The following C6 variants were observed in gnomAD, a reference collection of about 807,000 sequenced individuals.
C6 encodes complement component C6.
A neutral mutation model predicts 112.9 loss-of-function variants in C6; 101 were observed. That is an observed-to-expected ratio of 0.89 (90% confidence interval 0.76 to 1.06). The LOEUF (loss-of-function observed/expected upper bound fraction) is 1.06, where lower values mean the gene tolerates loss of function less well. Ranked by LOEUF, C6 falls within the 50% of genes least tolerant of loss-of-function variation. The pLI is 0.00. For synonymous variants in C6, 431 were observed against 384.1 expected (o/e 1.12, Z -1.43); for missense variants, 1,202 against 1,104.6 (o/e 1.09, Z -1.25).
At position 41,172,329 on chromosome 5, in the gene C6, G is replaced by C. The variant is rs941369223; in HGVS notation, c.1187C>G (p.Ala396Gly). 3.1e-6 allele frequency: 5 copies of C among 1,613,456 alleles called. No individual in the cohort carries two copies. Among genetic ancestry groups the C allele is most frequent in the Admixed American group, 3.3e-5 (2 of 59,904 alleles). ...TGTTTCAATCCTGACACAGTGTTTGGCTTCTTCCTCGGTTAAACCTAGGAG... is the reference window on the plus strand; with the variant it reads ...TGTTTCAATCCTGACACAGTGTTTGCCTTCTTCCTCGGTTAAACCTAGGAG... ...LKNSGLTEEE[A>G]KHCVRIETKK... The change falls in exon 9 of 18, where the codon GCC (alanine) becomes GGC (glycine). Residue 396 changes from alanine to glycine, a missense_variant. Coordinates refer to ENST00000337836, the MANE Select transcript of C6 (RefSeq NM_000065.5).
intron 4 of C6, among the ~76,000 whole-genome samples, chr5:41,196,219 T>C (rs1290345813): frequency 1.3e-5 from 2 of 151,978 alleles, no homozygotes; most frequent in Non-Finnish European, 2.9e-5. Flanking sequence ...ATAGAGATCA[T>C]GTTCAGTAGG....
At chr5:41,165,619 T>C (rs868721452) in intron 9 of C6, among the ~76,000 whole-genome samples, 2 of 152,144 alleles carry the variant, frequency 1.3e-5, no homozygotes, top group African/African-American at 2.4e-5. Flanking sequence ...AATTTTCCTA[T>C]ATTATATGTC....
At chr5:41,216,932 A>G (rs17260948), upstream of C6, among the ~76,000 whole-genome samples, 45,353 of 151,992 alleles carry the variant, frequency 0.3, 7,919 homozygotes, top group Non-Finnish European at 0.4. Flanking sequence ...CTAATATTGG[A>G]AACCTTGAGC....
At chr5:41,190,393 G>A (rs1750104711) in intron 5 of C6, among the ~76,000 whole-genome samples, 1 of 151,934 alleles carries the variant, frequency 6.6e-6, no homozygotes, top group Admixed American at 6.6e-5. Flanking sequence ...ATATTTGTTG[G>A]GCTCCTTTTG....
intron 5 of C6, among the ~76,000 whole-genome samples, chr5:41,195,237 C>CT (rs1157371042): frequency 1.3e-5 from 2 of 152,304 alleles, no homozygotes; most frequent in Non-Finnish European, 1.5e-5. Flanking sequence ...TTAGCCCTCT[C>CT]TTTTTTTCTA....
chr5:41,195,882 T>A lies in C6; in HGVS notation c.497A>T (p.Asp166Val), dbSNP rs770078794. Residue 166 changes from aspartate (D) to valine (V), a missense_variant, in exon 5 of 18, where the codon GAC becomes GTC. Physicochemically the swap from Asp to Val is radical, Grantham distance 152. Coordinates refer to ENST00000337836, the MANE Select transcript of C6 (RefSeq NM_000065.5). Reference sequence around the variant, plus strand: ...CCCACAGTCCCTTTCATCTGAATTGTCTCCACAGTCATTTTCTCCATTGCA... The same window carrying A: ...CCCACAGTCCCTTTCATCTGAATTGACTCCACAGTCATTTTCTCCATTGCA... ...LECNGENDCG[D>V]NSDERDCGRT... The A allele has an allele frequency of 2.4e-5, 39 of 1,613,890 alleles. No individual in the cohort carries two copies. Among genetic ancestry groups the A allele is most frequent in the Non-Finnish European group, 3.1e-5 (37 of 1,179,930 alleles).
At chr5:41,215,865 G>A (rs1045237549), upstream of C6, among the ~76,000 whole-genome samples, 4 of 152,064 alleles carry the variant, frequency 2.6e-5, no homozygotes, top group African/African-American at 9.7e-5. Flanking sequence ...AACAATGGAA[G>A]CTGCTATCTG....
chr5:41,172,529 GC>G (rs779206692), intron 8 of C6, 182 bp from the exon 9 acceptor site: 11 of 648,338 alleles, frequency 1.7e-5, no homozygotes, highest in Non-Finnish European at 3.0e-5. Context: ...TCCTGCATGG[GC>G]CCAGAGATGA....
rs542188618 is a variant in C6 at position 41,231,412 on chromosome 5, G to A, written c.-20-28162C>T. ...CACAGAATTCATCTTAACAGTTACA[G>A]TTAAAGTTACAGAATTCATCTTACA... On this transcript the variant is annotated intron_variant, in intron 1 of 17. Transcript: ENST00000263413. 2.3e-4 allele frequency among the ~76,000 whole-genome samples: 35 copies of A among 152,190 alleles called. No individual in the cohort carries two copies. The South Asian group carries it at 7.1e-3, about 31-fold the overall frequency.
At chr5:41,173,354 C>T (rs1417827799) in intron 8 of C6, among the ~76,000 whole-genome samples, 1 of 152,158 alleles carries the variant, frequency 6.6e-6, no homozygotes, top group Non-Finnish European at 1.5e-5. Flanking sequence ...TCAATGGCCT[C>T]AGAATCTGTG....
rs113243604 is a variant in C6 at position 41,223,981 on chromosome 5, T to C, written c.-20-20731A>G. On this transcript the variant is annotated intron_variant, in intron 1 of 17. Transcript: ENST00000263413. ...AGCAAATTATGTTTAGAATATTCTT[T>C]ACTTTGGGTTTGACAGTATCACATC... Among the ~76,000 whole-genome samples, 834 of 152,296 alleles carry C rather than the reference T, an allele frequency of 5.5e-3. 6 individuals are homozygous for C. Among genetic ancestry groups the C allele is most frequent in the African/African-American group, 0.019 (793 of 41,582 alleles).
intron 1 of C6, among the ~76,000 whole-genome samples, chr5:41,246,098 G>A (rs1741004036): frequency 6.6e-6 from 1 of 152,140 alleles, no homozygotes. Flanking sequence ...TCAAAGTTAA[G>A]ACTTAAACTT....
intron 6 of C6, among the ~76,000 whole-genome samples, chr5:41,185,783 T>A (rs532675345): frequency 3.9e-5 from 6 of 152,166 alleles, no homozygotes; most frequent in Non-Finnish European, 8.8e-5. Flanking sequence ...GAATATTCAA[T>A]GGAGAAAGCA....
intron 13 of C6, among the ~76,000 whole-genome samples, chr5:41,155,586 G>A (rs528406191): frequency 6.7e-4 from 102 of 152,146 alleles, no homozygotes; most frequent in African/African-American, 2.3e-3. Context: ...GAAAAGTAGC[G>A]AGAAGTGGTG....
At chr5:41,199,150 T>C (rs555817345) in intron 4 of C6, among the ~76,000 whole-genome samples, 3 of 152,280 alleles carry the variant, frequency 2.0e-5, no homozygotes, top group African/African-American at 4.8e-5. Context: ...TTCTGTGGAA[T>C]TGGAAATTTG....
chr5:41,175,969 G>A (rs572855106), intron 8 of C6, among the ~76,000 whole-genome samples: 2 of 152,294 alleles, frequency 1.3e-5, no homozygotes, highest in Non-Finnish European at 2.9e-5. Context: ...TTAGTCGCTT[G>A]TCAAGTTTTT....
chr5:41,211,658 C>G (rs549316457), intron 1 of C6, among the ~76,000 whole-genome samples: 1 of 152,104 alleles, frequency 6.6e-6, no homozygotes, highest in Admixed American at 6.6e-5. Context: ...CCTTGCCCCC[C>G]ACTGCCAAAA....
intron 1 of C6, among the ~76,000 whole-genome samples, chr5:41,226,959 T>C (rs1739551687): frequency 6.6e-6 from 1 of 152,182 alleles, no homozygotes; most frequent in East Asian, 1.9e-4. Flanking sequence ...TTTATTTCCT[T>C]TGGATGTATA....
intron 6 of C6, among the ~76,000 whole-genome samples, chr5:41,183,537 G>A (rs1015917475): frequency 2.0e-5 from 3 of 152,142 alleles, no homozygotes; most frequent in Non-Finnish European, 2.9e-5. Flanking sequence ...TGGTGAGAAT[G>A]TAAATTAGTT....
Sources: gnomAD v4.1 joint callset for allele counts (sites outside exome capture counted in the v4.1 genomes callset) on GRCh38, gnomAD v4.1.1 for gene constraint, MANE v1.5 for transcripts, NCBI Gene and HGNC (gene_info 2026-07-23, HGNC 2026-07-21) for gene names.